RHOU: variants seen among roughly 807,000 people sequenced by gnomAD.
RHOU encodes the protein ras homolog family member U, also known as rho-related GTP-binding protein RhoU.
RHOU carries 8 observed loss-of-function variants against 12.6 expected under a neutral mutation model. The observed-to-expected ratio is 0.64, with a 90% CI of 0.37 to 1.15. The LOEUF (loss-of-function observed/expected upper bound fraction) is 1.15, where lower values mean the gene tolerates loss of function less well. Among genes scored for constraint, RHOU ranks in the 50% most tolerant of loss-of-function variants. The probability of loss-of-function intolerance (pLI) is 0.01; values close to 1 mark genes in which losing one functional copy is unlikely to be tolerated. For synonymous variants in RHOU, 161 were observed against 147.4 expected, an observed-to-expected ratio of 1.09 and a Z score of -0.67; for missense variants, 258 against 347.0, an observed-to-expected ratio of 0.74 and a Z score of 2.04.
chr1:228,721,194 C>T, the RHOU span, among the ~76,000 whole-genome samples: 479 of 152,180 alleles, frequency 3.1e-3, 3 homozygotes, highest in African/African-American at 0.011. Context: ...CCCAGCCACT[C>T]GGGAGGCTGA....
chr1:228,704,313 G>A, the RHOU span, among the ~76,000 whole-genome samples: 1 of 152,148 alleles, frequency 6.6e-6, no homozygotes, highest in Admixed American at 6.5e-5. Flanking sequence ...CCCTGAGGTT[G>A]TGTCATGGTC....
chr1:228,682,283 C>T, the RHOU span, among the ~76,000 whole-genome samples: 8 of 152,294 alleles, frequency 5.3e-5, no homozygotes, highest in East Asian at 1.9e-4. Context: ...GATCTCTTCA[C>T]GGAGTGAGGG....
At chr1:228,709,988 A>C in the RHOU span, among the ~76,000 whole-genome samples, 2 of 152,210 alleles carry the variant, frequency 1.3e-5, no homozygotes, top group Non-Finnish European at 2.9e-5. Context: ...ATCACCACCA[A>C]TTCCACAGAA....
In RHOU at chr1:228,743,696, A is replaced by G. The variant is rs746204950; in HGVS notation, c.733A>G (p.Asn245Asp). The change falls in exon 3 of 3, where the codon AAC becomes GAC. Residue 245 changes from asparagine (N) to aspartate (D), a missense_variant. Asn to Asp is a conservative substitution (Grantham distance 23). Transcript: ENST00000366691. This position sits in a 1 kb window ranked among gnomAD's most constrained non-coding sequence, Gnocchi z 5.1. ...SKSRTPDKMK[N>D]LSKSWWKKYC... ...AAGCAGGACTCCAGATAAAATGAAA[A>G]ACCTCTCCAAGTCCTGGTGGAAGAA... The G allele has an allele frequency of 6.2e-6, 10 of 1,613,870 alleles. No homozygotes were observed. The East Asian group carries it at 2.2e-4, about 36-fold the overall frequency.
the RHOU span, among the ~76,000 whole-genome samples, chr1:228,657,742 A>G: frequency 6.6e-6 from 1 of 152,246 alleles, no homozygotes; most frequent in African/African-American, 2.4e-5. Flanking sequence ...TCAAGTGCAC[A>G]CAGGACATTC....
At chr1:228,717,628 T>C in the RHOU span, among the ~76,000 whole-genome samples, 1 of 152,260 alleles carries the variant, frequency 6.6e-6, no homozygotes, top group East Asian at 1.9e-4. Flanking sequence ...ATACTGTTAC[T>C]GAGTTATGCC....
At chr1:228,676,259 C>T in the RHOU span, among the ~76,000 whole-genome samples, 1 of 152,082 alleles carries the variant, frequency 6.6e-6, no homozygotes, top group Non-Finnish European at 1.5e-5. Context: ...GTGTGAGCCT[C>T]AGTGCCTGAA....
the RHOU span, among the ~76,000 whole-genome samples, chr1:228,689,314 G>A: frequency 6.6e-6 from 1 of 151,660 alleles, no homozygotes; most frequent in Non-Finnish European, 1.5e-5. Flanking sequence ...AAATCCAAAG[G>A]CCATTGGAAC....
upstream of RHOU, chr1:228,735,445 C>T (rs377167597): frequency 9.6e-6 from 2 of 208,246 alleles, no homozygotes; most frequent in Middle Eastern, 1.6e-3. The surrounding 1 kb of genome is among the most constrained non-coding windows in gnomAD (Gnocchi z 8.1). Context: ...GCCCGCCCCC[C>T]ACGCGTCGTG....
At chr1:228,686,709 T>A in the RHOU span, among the ~76,000 whole-genome samples, 1 of 152,198 alleles carries the variant, frequency 6.6e-6, no homozygotes, top group Non-Finnish European at 1.5e-5. Flanking sequence ...AATTCCTAAC[T>A]TTTAAAGCCT....
At chr1:228,721,652 A>C in the RHOU span, among the ~76,000 whole-genome samples, 11 of 152,016 alleles carry the variant, frequency 7.2e-5, no homozygotes, top group African/African-American at 2.7e-4. Context: ...GACTACCCAG[A>C]CTTTGGTTTT....
At chr1:228,710,589 G>A in the RHOU span, among the ~76,000 whole-genome samples, 644 of 152,176 alleles carry the variant, frequency 4.2e-3, no homozygotes, top group South Asian at 7.7e-3. Flanking sequence ...ATGCAGAAAA[G>A]GCCTTTGACA....
the RHOU span, among the ~76,000 whole-genome samples, chr1:228,672,824 C>T: frequency 2.0e-5 from 3 of 152,136 alleles, no homozygotes; most frequent in African/African-American, 7.2e-5. Context: ...ACTACGGTTT[C>T]CCACTGCCTA....
chr1:228,693,731 G>T, the RHOU span, among the ~76,000 whole-genome samples: 1 of 152,156 alleles, frequency 6.6e-6, no homozygotes, highest in Admixed American at 6.5e-5. Flanking sequence ...CTCCCAAAGT[G>T]CTGGGATTAC....
At chr1:228,691,406 ATCCC>A in the RHOU span, among the ~76,000 whole-genome samples, 8 of 143,598 alleles carry the variant, frequency 5.6e-5, no homozygotes, top group Non-Finnish European at 7.5e-5. Flanking sequence ...CCACTCACTC[ATCCC>A]TCCCTCCCTC....
chr1:228,689,576 C>T, the RHOU span, among the ~76,000 whole-genome samples: 1 of 152,092 alleles, frequency 6.6e-6, no homozygotes, highest in Non-Finnish European at 1.5e-5. Flanking sequence ...CAGACAGGTG[C>T]TGGTCTGTGG....
At chr1:228,657,394 C>G in the RHOU span, among the ~76,000 whole-genome samples, 60 of 145,134 alleles carry the variant, frequency 4.1e-4, no homozygotes, top group Non-Finnish European at 6.5e-4. Flanking sequence ...TAATATCAGA[C>G]AAAACAGACT....
the RHOU span, among the ~76,000 whole-genome samples, chr1:228,707,121 TATATAC>T: frequency 0.027 from 2,336 of 85,752 alleles, 75 homozygotes; most frequent in African/African-American, 0.1. Context: ...TATATATATA[TATATAC>T]ATATATATAT....
At chr1:228,730,479 C>T (rs1397837731), upstream of RHOU, among the ~76,000 whole-genome samples, 1 of 152,290 alleles carries the variant, frequency 6.6e-6, no homozygotes, top group East Asian at 1.9e-4. Flanking sequence ...CCGCTGTGTC[C>T]ATCCACTGGC....
Sources: gnomAD v4.1 joint callset for allele counts (sites outside exome capture counted in the v4.1 genomes callset) on GRCh38, gnomAD v4.1.1 for gene constraint, Gnocchi (gnomAD v3.1) non-coding constraint, MANE v1.5 for transcripts, NCBI Gene and HGNC (gene_info 2026-07-23, HGNC 2026-07-21) for gene names.